ZNF236: variants seen among roughly 807,000 people sequenced by gnomAD.
The protein encoded by ZNF236 is regulated by glucose.
ZNF236 carries 50 observed loss-of-function variants against 191.2 expected under a neutral mutation model. The observed-to-expected ratio is 0.26, with a 90% CI of 0.21 to 0.33. The LOEUF is 0.33. ZNF236 is among the 10% of genes least tolerant of loss of function. The pLI, the probability that ZNF236 is intolerant of heterozygous loss-of-function variation, is 1.00. For synonymous variants in ZNF236, 907 were observed against 928.8 expected (o/e 0.98, Z 0.43); for missense variants, 1,754 against 2,374.5 (o/e 0.74, Z 5.43).
rs572659678 is a variant in ZNF236 at position 76,966,142 on chromosome 18, C to G, written c.5420-2073C>G. 2.4e-3 allele frequency among the ~76,000 whole-genome samples: 360 copies of G among 152,300 alleles called. 3 individuals carry two copies. The highest frequency in any genetic ancestry group is 1.8e-3 in the Non-Finnish European group (122 of 68,012). The stretch of plus-strand genomic sequence containing the variant: ...GAGTCTGTGGGTCCTCTCAGGTTTC[C>G]TGATTTATTCCCCTAGTTGTTTGGG... On this transcript the variant is annotated intron_variant, in intron 30 of 30. Coordinates refer to ENST00000320610, the MANE Select transcript of ZNF236 (RefSeq NM_001306089.2).
Position 76,897,526 on chromosome 18 carries a change from AAC to A in ZNF236, c.1691-1489_1691-1488del, listed in dbSNP as rs146960269. Reference sequence around the variant, plus strand: ...CACACAGTATTGCACTTAGGTACCAAACACAGTGCTGCACACAGGGACCAGTG... The same window carrying A: ...CACACAGTATTGCACTTAGGTACCAAACAGTGCTGCACACAGGGACCAGTG... On this transcript the variant is annotated intron_variant, in intron 10 of 30. Transcript: ENST00000320610. 9.2e-3 allele frequency among the ~76,000 whole-genome samples: 1,397 copies of A among 151,908 alleles called. 10 individuals carry two copies. Among genetic ancestry groups the A allele is most frequent in the Non-Finnish European group, 0.014 (932 of 67,940 alleles).
chr18:76,837,952 A>G (rs751306701), intron 1 of ZNF236, among the ~76,000 whole-genome samples: 2 of 152,242 alleles, frequency 1.3e-5, no homozygotes, highest in African/African-American at 2.4e-5. Context: ...AAATGGATAG[A>G]TAGCCATTAG....
rs571823631 is a variant in ZNF236, at chr18:76,960,522, C to T, written c.5243-157C>T. Among the ~76,000 whole-genome samples the T allele has an allele frequency of 5.8e-4, 88 of 152,298 alleles. No individual in the cohort carries two copies. Among genetic ancestry groups the T allele is most frequent in the Non-Finnish European group, 1.1e-3 (78 of 68,022 alleles). ...ACCTGGCCAGGCTCCCTCTGGTCTCCCTATGGCTCCTCCAGCCCTTTGTTC... is the reference window on the plus strand; with the variant it reads ...ACCTGGCCAGGCTCCCTCTGGTCTCTCTATGGCTCCTCCAGCCCTTTGTTC... On this transcript the variant is annotated intron_variant, in intron 29 of 30. Coordinates refer to ENST00000320610, the MANE Select transcript of ZNF236 (RefSeq NM_001306089.2). This position sits in a 1 kb window ranked among gnomAD's most constrained non-coding sequence, Gnocchi z 4.4.
chr18:76,946,282 G>A (rs1274233123), intron 26 of ZNF236, among the ~76,000 whole-genome samples: 2 of 152,208 alleles, frequency 1.3e-5, no homozygotes, highest in African/African-American at 4.8e-5. Flanking sequence ...TGCCATCCAT[G>A]TAAGATGTGA....
At chr18:76,914,424 C>A (rs1212674937) in intron 18 of ZNF236, among the ~76,000 whole-genome samples, 1 of 152,194 alleles carries the variant, frequency 6.6e-6, no homozygotes, top group Non-Finnish European at 1.5e-5. Context: ...GCTCATTGCT[C>A]TACCTAGGAG....
chr18:76,927,002 A>G lies in ZNF236; in HGVS notation c.4028-35A>G, dbSNP rs1225417054. 3 of 1,576,366 alleles carry G rather than the reference A, an allele frequency of 1.9e-6. No homozygotes were observed. In the Admixed American group the frequency reaches 5.6e-5, roughly 29 times the overall value. On this transcript the variant is annotated intron_variant, in intron 22 of 30. Transcript: ENST00000320610. The surrounding 1 kb of genome is among the most constrained non-coding windows in gnomAD (Gnocchi z 5.4). Reference sequence around the variant, plus strand: ...ACTTTAGTTTTAAGAAGCATTCATAATATTTGATCATTCTCTTTCTCTTTC... The same window carrying G: ...ACTTTAGTTTTAAGAAGCATTCATAGTATTTGATCATTCTCTTTCTCTTTC...
chr18:76,966,345 A>G lies in ZNF236; in HGVS notation c.5420-1870A>G, dbSNP rs142289231. Among the ~76,000 whole-genome samples the G allele has an allele frequency of 7.0e-3, 1,066 of 152,262 alleles. 12 individuals are homozygous for G. The highest frequency in any genetic ancestry group is 0.024 in the African/African-American group (985 of 41,534). On this transcript the variant is annotated intron_variant, in intron 30 of 30. Coordinates refer to ENST00000320610, the MANE Select transcript of ZNF236 (RefSeq NM_001306089.2). ...GGACTGCCCCCCTTCACACACACAC[A>G]CACACACACACAGAGACACACACAC...
At chr18:76,956,698 C>A (rs1458442669) in intron 28 of ZNF236, among the ~76,000 whole-genome samples, 1 of 152,226 alleles carries the variant, frequency 6.6e-6, no homozygotes, top group Non-Finnish European at 1.5e-5. Flanking sequence ...GACCTGAGTG[C>A]CCGCATGTGG....
In ZNF236 at chr18:76,944,781, C is replaced by CA. The variant is rs200326871; in HGVS notation, c.4783-2731dup. 2.6e-4 allele frequency among the ~76,000 whole-genome samples: 38 copies of CA among 148,988 alleles called. 1 individual carries two copies. The highest frequency in any genetic ancestry group is 1.1e-3 in the Admixed American group (17 of 15,044). On this transcript the variant is annotated intron_variant, in intron 26 of 30. Coordinates refer to ENST00000320610, the MANE Select transcript of ZNF236 (RefSeq NM_001306089.2). ...TGGGTAACAGAGCACGACTCTGTCT[C>CA]AAAAAAAAAGAATACTTAATTAAGG...
At chr18:76,908,025 C>T (rs915193240) in intron 13 of ZNF236, among the ~76,000 whole-genome samples, 4 of 152,092 alleles carry the variant, frequency 2.6e-5, no homozygotes, top group South Asian at 2.1e-4. Context: ...CTTTTAAACA[C>T]GAGACATCTT....
At chr18:76,835,915 C>CTT (rs565820782) in intron 1 of ZNF236, among the ~76,000 whole-genome samples, 1 of 149,288 alleles carries the variant, frequency 6.7e-6, no homozygotes, top group African/African-American at 2.5e-5. Context: ...TTTATACATT[C>CTT]TTTTTTTTTT....
At chr18:76,839,685 G>A (rs556036779) in intron 1 of ZNF236, among the ~76,000 whole-genome samples, 1 of 152,182 alleles carries the variant, frequency 6.6e-6, no homozygotes, top group East Asian at 1.9e-4. Context: ...TTGATATACA[G>A]ATATCCACCT....
At chr18:76,911,836 C>T (rs768471258) in intron 16 of ZNF236, among the ~76,000 whole-genome samples, 13 of 152,096 alleles carry the variant, frequency 8.5e-5, no homozygotes, top group Admixed American at 1.3e-4. Context: ...TGCGTGGTAC[C>T]GTTCTTGGGG....
chr18:76,955,736 G>T (rs952797934), intron 27 of ZNF236, among the ~76,000 whole-genome samples: 7 of 152,184 alleles, frequency 4.6e-5, no homozygotes, highest in African/African-American at 1.7e-4. Context: ...CACCTGGTCA[G>T]TGCGGCGCCA....
At chr18:76,867,007 C>T (rs1017183306) in intron 3 of ZNF236, among the ~76,000 whole-genome samples, 1 of 152,108 alleles carries the variant, frequency 6.6e-6, no homozygotes, top group Non-Finnish European at 1.5e-5. Context: ...CCAACAAATG[C>T]CTGAGTAATA....
chr18:76,912,117 T>A (rs1967232043), intron 16 of ZNF236, 127 bp from the exon 17 acceptor site: 1 of 645,870 alleles, frequency 1.5e-6, no homozygotes, highest in Non-Finnish European at 2.7e-6. Context: ...AGTGAACTAT[T>A]TGGGGTTTCT....
At chr18:76,934,592 A>G (rs1488824851) in intron 25 of ZNF236, among the ~76,000 whole-genome samples, 1 of 152,238 alleles carries the variant, frequency 6.6e-6, no homozygotes, top group African/African-American at 2.4e-5. Context: ...TTCTAGCCTT[A>G]GTTTCTTCTA....
chr18:76,911,609 C>T (rs981080232), intron 16 of ZNF236, among the ~76,000 whole-genome samples: 1 of 152,220 alleles, frequency 6.6e-6, no homozygotes, highest in African/African-American at 2.4e-5. Context: ...CGTGCACTTG[C>T]TGCCCAGGGG....
chr18:76,899,359 C>A (rs573735006), intron 11 of ZNF236, 137 bp downstream of exon 11: 3 of 745,822 alleles, frequency 4.0e-6, no homozygotes, highest in South Asian at 2.2e-5. Flanking sequence ...CTGTGTTAAG[C>A]CTTGTTTTGC....
Sources: allele counts gnomAD v4.1 joint callset (sites outside exome capture counted in the v4.1 genomes callset), GRCh38; gene constraint gnomAD v4.1.1; non-coding constraint Gnocchi (gnomAD v3.1); transcripts MANE v1.5; gene names NCBI Gene and HGNC (gene_info 2026-07-23, HGNC 2026-07-21).